Variants in CRYBG3 observed in about 807,000 individuals in gnomAD.
The protein encoded by CRYBG3 is crystallin beta-gamma domain containing 3.
In CRYBG3, 127 loss-of-function variants were observed where a neutral mutation model predicts 244.2. The ratio of observed to expected loss-of-function variants is 0.52; its 90% CI spans 0.45 to 0.60. The LOEUF (loss-of-function observed/expected upper bound fraction) is 0.60, where lower values mean the gene tolerates loss of function less well. Ranked by LOEUF, CRYBG3 falls within the 20% of genes least tolerant of loss-of-function variation. The pLI, the probability that CRYBG3 is intolerant of heterozygous loss-of-function variation, is 0.00. For missense variants in CRYBG3, 3,325 were observed against 3,442.5 expected (o/e 0.97, Z 0.85); for synonymous variants, 1,132 against 1,195.8 (o/e 0.95, Z 1.10).
Position 97,872,198 on chromosome 3 carries a change from A to C in CRYBG3, c.1004A>C (p.Lys335Thr). 2 of 1,535,840 alleles carry C rather than the reference A, an allele frequency of 1.3e-6. No homozygotes were observed. The highest frequency in any genetic ancestry group is 1.7e-6 in the Non-Finnish European group (2 of 1,146,714). ...GCCTCTTCCAATAATCTTTTAAATA[A>C]AAATGCTTGGGGGAGTATTGAGAGA... ...NIASSNNLLNKNAWGSIERNR... is the reference protein window; with the variant it reads ...NIASSNNLLNTNAWGSIERNR... The change falls in exon 4 of 22, where the codon AAA becomes ACA. Residue 335 changes from lysine (K) to threonine (T), a missense_variant. Around this residue, in one of 4 missense-constraint regions of CRYBG3, gnomAD observed 1,526 missense variants for 1,443.2 expected, o/e 1.06. Coordinates refer to ENST00000389622, the MANE Select transcript of CRYBG3 (RefSeq NM_153605.4).
chr3:97,855,175 T>C (rs980982351), intron 2 of CRYBG3, among the ~76,000 whole-genome samples: 1 of 152,168 alleles, frequency 6.6e-6, no homozygotes, highest in Non-Finnish European at 1.5e-5. Flanking sequence ...CTTTGCATCA[T>C]TGGGATAAAT....
intron 14 of CRYBG3, among the ~76,000 whole-genome samples, chr3:97,899,688 C>T (rs577417442): frequency 6.4e-4 from 97 of 152,244 alleles, no homozygotes; most frequent in African/African-American, 2.3e-3. Flanking sequence ...GAATTGAAGA[C>T]CTTGCCACAG....
intron 17 of CRYBG3, among the ~76,000 whole-genome samples, chr3:97,927,501 G>A (rs1479787634): frequency 6.6e-6 from 1 of 151,836 alleles, no homozygotes; most frequent in African/African-American, 2.4e-5. Flanking sequence ...TTCTGGACGT[G>A]GGCCCTGGCA....
intron 15 of CRYBG3, among the ~76,000 whole-genome samples, chr3:97,901,685 C>T (rs542305535): frequency 6.6e-5 from 10 of 152,136 alleles, no homozygotes; most frequent in Non-Finnish European, 1.3e-4. Flanking sequence ...TCAAACTGCA[C>T]ATTTTTTGAG....
At chr3:97,833,931 C>G (rs367922145) in intron 1 of CRYBG3, among the ~76,000 whole-genome samples, 1 of 152,054 alleles carries the variant, frequency 6.6e-6, no homozygotes, top group African/African-American at 2.4e-5. Context: ...GTACAGGAAT[C>G]ACTTGGGAAG....
At position 97,864,570 on chromosome 3, in the gene CRYBG3, T is replaced by C. The variant is rs2108204444; in HGVS notation, c.570T>C (p.Ser190=). 2 of 1,535,674 alleles carry C rather than the reference T, an allele frequency of 1.3e-6. No homozygotes were observed. Among genetic ancestry groups the C allele is most frequent in the Admixed American group, 2.0e-5 (1 of 50,968 alleles). The part of the protein sequence containing the change: ...TQTHPTEEQD[S]NSSELSDAFS... Reference sequence around the variant, plus strand: ...CACATCCAACAGAAGAACAAGACTCTAACTCATCCGAACTCTCAGATGCTT... The same window carrying C: ...CACATCCAACAGAAGAACAAGACTCCAACTCATCCGAACTCTCAGATGCTT... The change falls in exon 3 of 22, where the codon TCT becomes TCC. Residue 190 remains serine (S), a synonymous_variant. Transcript: ENST00000389622.
At chr3:97,842,911 A>G (rs561080180) in intron 1 of CRYBG3, among the ~76,000 whole-genome samples, 1 of 152,222 alleles carries the variant, frequency 6.6e-6, no homozygotes, top group Non-Finnish European at 1.5e-5. Context: ...AGTAATACAC[A>G]GGTGCTCTTT....
chr3:97,856,350 A>G (rs1301434273), intron 2 of CRYBG3, among the ~76,000 whole-genome samples: 1 of 152,068 alleles, frequency 6.6e-6, no homozygotes, highest in East Asian at 1.9e-4. Context: ...ATGCTCTACA[A>G]TTTGTGCAGT....
intron 20 of CRYBG3, 162 bp from the exon 21 acceptor site, chr3:97,942,119 AGAC>A (rs1193229225): frequency 6.4e-6 from 3 of 465,860 alleles, no homozygotes; most frequent in Non-Finnish European, 1.1e-5. Context: ...GCCGTAAAGA[AGAC>A]ATTAAAAAAG....
chr3:97,823,101 T>A (rs2038529157), intron 1 of CRYBG3, among the ~76,000 whole-genome samples: 1 of 152,214 alleles, frequency 6.6e-6, no homozygotes, highest in East Asian at 1.9e-4. Flanking sequence ...TGTAATATTT[T>A]TATCTTTCCT....
At chr3:97,913,242 T>G (rs932447541) in intron 16 of CRYBG3, among the ~76,000 whole-genome samples, 3 of 152,212 alleles carry the variant, frequency 2.0e-5, no homozygotes, top group African/African-American at 7.2e-5. Flanking sequence ...GTTCAAGCTC[T>G]TTCTTTTCTT....
intron 7 of CRYBG3, among the ~76,000 whole-genome samples, chr3:97,883,691 A>G (rs931534077): frequency 1.1e-4 from 16 of 152,186 alleles, no homozygotes; most frequent in Admixed American, 7.2e-4. Flanking sequence ...CAGGTTAACA[A>G]CTTTTAGTGA....
chr3:97,832,784 C>T (rs1386889527), intron 1 of CRYBG3, among the ~76,000 whole-genome samples: 2 of 152,070 alleles, frequency 1.3e-5, no homozygotes, highest in East Asian at 3.9e-4. Flanking sequence ...GAACAGGCAA[C>T]CTACAGGATG....
Position 97,910,523 on chromosome 3 carries a change from C to A in CRYBG3, c.8005-1644C>A, listed in dbSNP as rs542317946. Among the ~76,000 whole-genome samples the A allele has an allele frequency of 4.3e-4, 65 of 152,320 alleles. No homozygotes were observed. In the South Asian group the frequency reaches 8.9e-3, roughly 21 times the overall value. ...GTGAACCGATTTTCCAGGTGCTGTC[C>A]GTCACCCCTTTCTTTGACTCAGAAA... On this transcript the variant is annotated intron_variant, in intron 15 of 21. Transcript: ENST00000389622.
intron 10 of CRYBG3, among the ~76,000 whole-genome samples, chr3:97,891,732 CG>C (rs1265506991): frequency 1.3e-5 from 2 of 152,002 alleles, no homozygotes; most frequent in Non-Finnish European, 1.5e-5. Context: ...AACTCAGGAG[CG>C]TAAGGTGGAT....
At chr3:97,913,308 T>C (rs2039893350) in intron 16 of CRYBG3, among the ~76,000 whole-genome samples, 1 of 152,174 alleles carries the variant, frequency 6.6e-6, no homozygotes, top group African/African-American at 2.4e-5. Context: ...TATTCTCCTC[T>C]CTTCTAACAT....
In CRYBG3 at chr3:97,868,093, C is replaced by T. The variant is rs2039257134; in HGVS notation, c.647+3446C>T. ...GGTCAGGAGATCGAGACCATCCTGG[C>T]TAACACGGTGAAACCCTTTCTCTAC... is the stretch of plus-strand genomic sequence containing the variant. On this transcript the variant is annotated intron_variant, in intron 3 of 21. Coordinates refer to ENST00000389622, the MANE Select transcript of CRYBG3 (RefSeq NM_153605.4). Among the ~76,000 whole-genome samples, 4 of 152,182 alleles carry T rather than the reference C, an allele frequency of 2.6e-5. No individual in the cohort carries two copies. The South Asian group carries it at 8.3e-4, about 32-fold the overall frequency.
chr3:97,855,568 CT>C (rs2039051315), intron 2 of CRYBG3, among the ~76,000 whole-genome samples: 1 of 152,080 alleles, frequency 6.6e-6, no homozygotes, highest in Non-Finnish European at 1.5e-5. Context: ...ATTTTGGTAG[CT>C]TGTATATGTC....
At chr3:97,904,901 A>G (rs1187264509) in intron 15 of CRYBG3, among the ~76,000 whole-genome samples, 1 of 70,870 alleles carries the variant, frequency 1.4e-5, no homozygotes, top group Non-Finnish European at 2.6e-5. Context: ...CCCCCACCCC[A>G]TGACAGTCCC....
Sources: gnomAD v4.1 joint callset for allele counts (sites outside exome capture counted in the v4.1 genomes callset) on GRCh38, gnomAD v4.1.1 for gene constraint, gnomAD v4.1.1 regional missense constraint, MANE v1.5 for transcripts, NCBI Gene and HGNC (gene_info 2026-07-23, HGNC 2026-07-21) for gene names.